SMPD3: variants seen among roughly 807,000 people sequenced by gnomAD.
SMPD3 encodes the protein nSMase-2.
In SMPD3, 21 loss-of-function variants were observed where a neutral mutation model predicts 55.7. That is an observed-to-expected ratio of 0.38 (90% CI 0.27 to 0.54). The LOEUF (loss-of-function observed/expected upper bound fraction) is 0.54, where lower values mean the gene tolerates loss of function less well. Among genes scored for constraint, SMPD3 ranks in the 20% least tolerant of loss-of-function variants. The pLI, the probability that SMPD3 is intolerant of heterozygous loss-of-function variation, is 0.80. For missense variants in SMPD3, 842 were observed against 899.6 expected, an observed-to-expected ratio of 0.94 and a Z score of 0.82; for synonymous variants, 457 against 404.3, an observed-to-expected ratio of 1.13 and a Z score of -1.56.
At chr16:68,363,602 C>G (rs1597586196) in intron 6 of SMPD3, 43 bp from the exon 7 acceptor site, 1 of 1,585,776 alleles carries the variant, frequency 6.3e-7, no homozygotes, top group African/African-American at 1.3e-5. Context: ...GCAGGCAGGG[C>G]CCAGGCAGCC....
intron 2 of SMPD3, among the ~76,000 whole-genome samples, chr16:68,375,791 G>T (rs1351662122): frequency 6.6e-6 from 1 of 152,216 alleles, no homozygotes; most frequent in African/African-American, 2.4e-5. Context: ...CCTTATTCAG[G>T]AATTGATGGG....
At chr16:68,430,568 T>C (rs4783559) in intron 1 of SMPD3, among the ~76,000 whole-genome samples, 116,584 of 152,126 alleles carry the variant, frequency 0.77, 44,949 homozygotes, top group East Asian at 0.88. Context: ...GAGTTCAGCA[T>C]GCTGAGTTTG....
chr16:68,427,494 C>T (rs758765083), intron 1 of SMPD3, among the ~76,000 whole-genome samples: 5 of 152,180 alleles, frequency 3.3e-5, no homozygotes, highest in Non-Finnish European at 7.3e-5. Context: ...TGTTTTGTTT[C>T]GACACTGTCC....
rs1567780256 is a variant in SMPD3 at position 68,367,438 on chromosome 16, GCGC to G, written c.1324-2349_1324-2347del. The stretch of plus-strand genomic sequence containing the variant: ...GCTTCCAGTCGGATCTGTTTGTCGT[GCGC>G]TGCTGTGCGCTGCTCTGCGCTGCTT... On this transcript the variant is annotated intron_variant, in intron 3 of 8. Coordinates refer to ENST00000219334, the MANE Select transcript of SMPD3 (RefSeq NM_018667.4). The G allele has an allele frequency of 8.6e-4, 8 of 9,256 alleles. No individual in the cohort carries two copies. In the African/African-American group the frequency reaches 0.015, roughly 17 times the overall value. 0.6% of individuals were successfully genotyped at this position (9,256 alleles called of 1,614,324 possible).
Position 68,372,278 on chromosome 16 carries a change from G to T in SMPD3, c.-97C>A, listed in dbSNP as rs1020868446. On this transcript the variant is annotated 5_prime_UTR_variant, in exon 3 of 9. Coordinates refer to ENST00000219334, the MANE Select transcript of SMPD3 (RefSeq NM_018667.4). The stretch of plus-strand genomic sequence containing the variant: ...GAGGGTGGGCGAGTTGGGGGCAGCT[G>T]GAGGAGGGGTCACCTCCTGGCGAGA... 21 of 1,490,766 alleles carry T rather than the reference G, an allele frequency of 1.4e-5. No individual in the cohort carries two copies. The highest frequency in any genetic ancestry group is 1.9e-5 in the Non-Finnish European group (21 of 1,099,110). 92.3% of individuals were successfully genotyped at this position (1,490,766 alleles called of 1,614,324 possible). A position where few individuals can be genotyped will look rare whatever the true frequency, so the allele number is the denominator to read the frequency against.
intron 2 of SMPD3, among the ~76,000 whole-genome samples, chr16:68,385,387 T>C (rs1398916601): frequency 3.9e-5 from 6 of 152,172 alleles, no homozygotes; most frequent in Non-Finnish European, 8.8e-5. Context: ...ACACTGTCCT[T>C]CTTGTCGATC....
intron 2 of SMPD3, among the ~76,000 whole-genome samples, chr16:68,381,306 C>A (rs1038836713): frequency 1.3e-5 from 2 of 152,234 alleles, no homozygotes; most frequent in Non-Finnish European, 2.9e-5. Context: ...CCAAGAGAAC[C>A]AGCCAGAACA....
chr16:68,365,160 C>CT, intron 3 of SMPD3, 68 bp from the exon 4 acceptor site: 1 of 1,515,522 alleles, frequency 6.6e-7, no homozygotes, highest in Non-Finnish European at 9.1e-7. Context: ...AGGACACTGG[C>CT]AGTGCCCACC....
chr16:68,363,955 A>G lies in SMPD3; in HGVS notation c.1556-89T>C, dbSNP rs1357460508. The G allele has an allele frequency of 3.3e-6, 4 of 1,217,432 alleles. No homozygotes were observed. The South Asian group carries it at 4.1e-5, about 13-fold the overall frequency. 75.4% of individuals were successfully genotyped at this position (1,217,432 alleles called of 1,614,324 possible). A position where few individuals can be genotyped will look rare whatever the true frequency, so the allele number is the denominator to read the frequency against. The stretch of plus-strand genomic sequence containing the variant: ...CCCTGCTTCCCATCAGTTACTCCCC[A>G]TGTGCTGCCAGGCCCCCATCCCTTA... On this transcript the variant is annotated intron_variant, in intron 5 of 8. Transcript: ENST00000219334.
At chr16:68,421,477 C>T (rs1490877386) in intron 1 of SMPD3, among the ~76,000 whole-genome samples, 1 of 152,198 alleles carries the variant, frequency 6.6e-6, no homozygotes, top group East Asian at 1.9e-4. Flanking sequence ...AGACCAGAGG[C>T]AATGGAGCCA....
intron 1 of SMPD3, among the ~76,000 whole-genome samples, chr16:68,421,135 C>G (rs2090390001): frequency 6.6e-6 from 1 of 152,214 alleles, no homozygotes; most frequent in African/African-American, 2.4e-5. Context: ...CCTGGGTTCA[C>G]AGCCAGAGAC....
intron 1 of SMPD3, among the ~76,000 whole-genome samples, chr16:68,438,931 A>C (rs1407165307): frequency 1.3e-5 from 2 of 152,182 alleles, no homozygotes; most frequent in Non-Finnish European, 2.9e-5. Flanking sequence ...CGTGACCTTA[A>C]GCAAGTTACT....
intron 1 of SMPD3, among the ~76,000 whole-genome samples, chr16:68,422,592 T>C (rs1454048848): frequency 6.6e-6 from 1 of 152,124 alleles, no homozygotes; most frequent in Non-Finnish European, 1.5e-5. Context: ...GGTGAAGAAT[T>C]CCACCTCCCA....
intron 1 of SMPD3, among the ~76,000 whole-genome samples, chr16:68,411,742 G>A (rs2090303028): frequency 6.6e-6 from 1 of 152,312 alleles, no homozygotes; most frequent in Admixed American, 6.5e-5. Context: ...CTGTAAAGTG[G>A]AGCTCCTAAT....
intron 1 of SMPD3, among the ~76,000 whole-genome samples, chr16:68,396,546 C>A (rs367639389): frequency 4.6e-5 from 7 of 152,314 alleles, no homozygotes; most frequent in African/African-American, 1.4e-4. Context: ...AGCTTCCAAC[C>A]CCCTCCCCTC....
intron 1 of SMPD3, among the ~76,000 whole-genome samples, chr16:68,389,890 A>G (rs1439884781): frequency 6.6e-6 from 1 of 152,246 alleles, no homozygotes; most frequent in Non-Finnish European, 1.5e-5. Flanking sequence ...CTTGCACAGG[A>G]AAGAGTTCAG....
At chr16:68,383,794 C>G (rs896154730) in intron 2 of SMPD3, among the ~76,000 whole-genome samples, 10 of 152,202 alleles carry the variant, frequency 6.6e-5, no homozygotes, top group African/African-American at 1.7e-4. Context: ...CTCCTCCCCC[C>G]ACTTCCCCAC....
At chr16:68,422,988 C>T (rs2090407506) in intron 1 of SMPD3, among the ~76,000 whole-genome samples, 1 of 152,192 alleles carries the variant, frequency 6.6e-6, no homozygotes, top group South Asian at 2.1e-4. Flanking sequence ...AACCTTTCCA[C>T]AGTTCTCAGC....
intron 2 of SMPD3, among the ~76,000 whole-genome samples, chr16:68,376,507 A>G (rs1196250286): frequency 6.6e-6 from 1 of 152,246 alleles, no homozygotes; most frequent in East Asian, 1.9e-4. Context: ...GAGTTTTTGC[A>G]GCTCAACCTC....
Sources: allele counts gnomAD v4.1 joint callset (sites outside exome capture counted in the v4.1 genomes callset), GRCh38; gene constraint gnomAD v4.1.1; transcripts MANE v1.5; gene names NCBI Gene and HGNC (gene_info 2026-07-23, HGNC 2026-07-21).